The following BMPR1B variants were observed in gnomAD, a reference collection of about 807,000 sequenced individuals.
BMPR1B encodes the protein bone morphogenetic protein receptor type-1B.
In BMPR1B, 12 loss-of-function variants were observed where a neutral mutation model predicts 59.1. That is an observed-to-expected ratio of 0.20 (90% CI 0.13 to 0.33). The LOEUF (loss-of-function observed/expected upper bound fraction) is 0.33, where lower values mean the gene tolerates loss of function less well. Ranked by LOEUF, BMPR1B falls within the 10% of genes least tolerant of loss-of-function variation. BMPR1B has a pLI of 1.00. For synonymous variants in BMPR1B, 237 were observed against 207.3 expected (o/e 1.14, Z -1.23); for missense variants, 550 against 610.9 (o/e 0.90, Z 1.05).
At chr4:94,976,550 C>T (rs1184770313) in intron 2 of BMPR1B, among the ~76,000 whole-genome samples, 8 of 152,160 alleles carry the variant, frequency 5.3e-5, no homozygotes, top group Admixed American at 4.6e-4. Context: ...TATTCCATTA[C>T]TGCATTAGTT....
chr4:95,117,986 CAGTGTGGAG>C (rs1732196118), intron 6 of BMPR1B, among the ~76,000 whole-genome samples: 1 of 152,148 alleles, frequency 6.6e-6, no homozygotes, highest in South Asian at 2.1e-4. Flanking sequence ...TGGTCCAGGG[CAGTGTGGAG>C]ATGAGGATGC....
intron 1 of BMPR1B, among the ~76,000 whole-genome samples, chr4:94,814,239 A>G (rs1160224558): frequency 1.3e-5 from 2 of 152,218 alleles, no homozygotes; most frequent in Non-Finnish European, 2.9e-5. Context: ...TTATCTCAAA[A>G]TTATTTTTTA....
chr4:94,856,433 A>T (rs1021801065), intron 1 of BMPR1B, among the ~76,000 whole-genome samples: 4 of 152,304 alleles, frequency 2.6e-5, no homozygotes, highest in Non-Finnish European at 5.9e-5. Context: ...GGAGCAGCTG[A>T]CTACTGCATC....
intron 1 of BMPR1B, among the ~76,000 whole-genome samples, chr4:94,848,230 A>G (rs1397101232): frequency 1.3e-5 from 2 of 152,130 alleles, no homozygotes; most frequent in Non-Finnish European, 2.9e-5. Flanking sequence ...CTCTCAATCT[A>G]TGAAAGCCAT....
intron 3 of BMPR1B, among the ~76,000 whole-genome samples, chr4:95,098,450 A>G (rs547054219): frequency 3.9e-5 from 6 of 152,254 alleles, no homozygotes; most frequent in South Asian, 2.1e-4. Context: ...ATACCTTTGC[A>G]TAATTATAAA....
intron 1 of BMPR1B, among the ~76,000 whole-genome samples, chr4:94,786,529 T>TTTTA (rs909132505): frequency 5.3e-5 from 8 of 152,098 alleles, no homozygotes; most frequent in South Asian, 4.2e-4. Flanking sequence ...CTTAGCTAAT[T>TTTTA]TTTATTTATT....
intron 1 of BMPR1B, among the ~76,000 whole-genome samples, chr4:94,861,073 A>G (rs962187943): frequency 2.6e-5 from 4 of 151,926 alleles, no homozygotes; most frequent in African/African-American, 9.7e-5. Flanking sequence ...ATATGTGTCT[A>G]TCTCTTTTGC....
intron 3 of BMPR1B, among the ~76,000 whole-genome samples, chr4:95,097,138 A>G (rs1374381169): frequency 1.5e-5 from 1 of 68,942 alleles, no homozygotes; most frequent in Non-Finnish European, 3.2e-5. Context: ...ATTTATATAT[A>G]ACTAATATAT....
chr4:94,834,942 G>GTTTTTTTTTTT (rs750650049), intron 1 of BMPR1B, among the ~76,000 whole-genome samples: 1 of 137,010 alleles, frequency 7.3e-6, no homozygotes, highest in African/African-American at 2.7e-5. Context: ...GTGTTTCTTT[G>GTTTTTTTTTTT]TTTTTTTTTT....
intron 2 of BMPR1B, among the ~76,000 whole-genome samples, chr4:94,988,156 G>A (rs563430347): frequency 2.6e-5 from 4 of 151,864 alleles, no homozygotes; most frequent in Non-Finnish European, 4.4e-5. Flanking sequence ...ATTATATTGC[G>A]AATATTTATT....
At chr4:95,021,762 G>A (rs915059679) in intron 3 of BMPR1B, among the ~76,000 whole-genome samples, 1 of 152,198 alleles carries the variant, frequency 6.6e-6, no homozygotes, top group African/African-American at 2.4e-5. Flanking sequence ...ACCCACTGCT[G>A]TATTCAGAAA....
At chr4:94,867,380 G>A (rs1029218483) in intron 1 of BMPR1B, among the ~76,000 whole-genome samples, 2 of 152,168 alleles carry the variant, frequency 1.3e-5, no homozygotes, top group East Asian at 1.9e-4. Flanking sequence ...GTTTATTACC[G>A]ATAAGAGGCA....
At chr4:95,057,024 A>G (rs1055410552) in intron 3 of BMPR1B, among the ~76,000 whole-genome samples, 2 of 152,162 alleles carry the variant, frequency 1.3e-5, no homozygotes, top group African/African-American at 4.8e-5. Context: ...ATAATTTATC[A>G]TTATACATGT....
At chr4:95,016,179 A>C (rs568881466) in intron 3 of BMPR1B, among the ~76,000 whole-genome samples, 8 of 152,358 alleles carry the variant, frequency 5.3e-5, no homozygotes, top group African/African-American at 1.9e-4. Context: ...AAACTTTGCA[A>C]CTGCCACAGT....
chr4:95,076,736 A>C lies in BMPR1B; in HGVS notation c.-17-27672A>C, dbSNP rs565691420. On this transcript the variant is annotated intron_variant, in intron 3 of 12. Transcript: ENST00000515059. ...TGGTAGGCCAGAACATGTGTGTGCAACTAAGGTAGAGTAAAATATATAACA... is the reference window on the plus strand; with the variant it reads ...TGGTAGGCCAGAACATGTGTGTGCACCTAAGGTAGAGTAAAATATATAACA... 2.6e-5 allele frequency among the ~76,000 whole-genome samples: 4 copies of C among 152,234 alleles called. No individual in the cohort carries two copies. The South Asian group carries it at 8.3e-4, about 32-fold the overall frequency.
chr4:94,918,102 T>C (rs1366826994), intron 2 of BMPR1B, among the ~76,000 whole-genome samples: 1 of 152,166 alleles, frequency 6.6e-6, no homozygotes, highest in African/African-American at 2.4e-5. Flanking sequence ...CTTGTACAGC[T>C]GGCAGAACTA....
rs150796144 is a variant in BMPR1B at position 94,959,510 on chromosome 4, A to G, written c.-112-36530A>G. On this transcript the variant is annotated intron_variant, in intron 2 of 12. Coordinates refer to ENST00000515059, the MANE Select transcript of BMPR1B (RefSeq NM_001203.3). Reference sequence around the variant, plus strand: ...TTTTGCAGAGATTCCTCAAAGTTGAATATTACTTTGGGTTTATTAAAATAT... The same window carrying G: ...TTTTGCAGAGATTCCTCAAAGTTGAGTATTACTTTGGGTTTATTAAAATAT... Among the ~76,000 whole-genome samples the G allele has an allele frequency of 8.6e-3, 1,308 of 152,268 alleles. 10 individuals carry two copies. The highest frequency in any genetic ancestry group is 0.016 in the Admixed American group (247 of 15,286).
intron 3 of BMPR1B, among the ~76,000 whole-genome samples, chr4:95,034,691 G>A (rs976852869): frequency 4.0e-5 from 6 of 151,560 alleles, no homozygotes; most frequent in African/African-American, 1.5e-4. Flanking sequence ...TGGGCATTTG[G>A]GCTGGTTTTA....
chr4:95,049,344 C>T (rs1256862891), intron 3 of BMPR1B, among the ~76,000 whole-genome samples: 1 of 149,538 alleles, frequency 6.7e-6, no homozygotes, highest in East Asian at 2.0e-4. Flanking sequence ...GAACTCCTGG[C>T]CTTAGGTGAT....
Sources: allele counts gnomAD v4.1 joint callset (sites outside exome capture counted in the v4.1 genomes callset), GRCh38; gene constraint gnomAD v4.1.1; transcripts MANE v1.5; gene names NCBI Gene and HGNC (gene_info 2026-07-23, HGNC 2026-07-21).